The following TMEM235 variants were observed in gnomAD, a reference collection of about 807,000 sequenced individuals.
TMEM235 encodes claudin-27.
Under a neutral mutation model 22.9 loss-of-function variants are expected in TMEM235, and 23 were observed. That is an observed-to-expected ratio of 1.00 (90% CI 0.72 to 1.42). TMEM235 has a LOEUF of 1.42. Among genes scored for constraint, TMEM235 ranks in the 40% most tolerant of loss-of-function variants. TMEM235 has a pLI of 0.00. For missense variants in TMEM235, 308 were observed against 299.5 expected (o/e 1.03, Z -0.21); for synonymous variants, 137 against 140.5 (o/e 0.98, Z 0.17).
intron 2 of TMEM235, among the ~76,000 whole-genome samples, chr17:78,233,260 C>T (rs1242351346): frequency 5.3e-5 from 8 of 152,230 alleles, no homozygotes; most frequent in Non-Finnish European, 1.2e-4. Flanking sequence ...CCCAGGAGCC[C>T]GTTTTGTACA....
At position 78,238,550 on chromosome 17, in the gene TMEM235, CTG is replaced by C. The variant is rs55893266; in HGVS notation, c.410-439_410-438del. ...GCTGCTGCCAGCAGAGGCCATGGCT[CTG>C]TGTGTGTGTGTGTGTGTGTGTGTGT... On this transcript the variant is annotated intron_variant, in intron 4 of 5. Transcript: ENST00000421688. The surrounding 1 kb of genome is among the most constrained non-coding windows in gnomAD (Gnocchi z 4.3). 0.073 allele frequency among the ~76,000 whole-genome samples: 10,034 copies of C among 138,056 alleles called. 380 individuals carry two copies. Among genetic ancestry groups the C allele is most frequent in the Middle Eastern group, 0.11 (30 of 270 alleles). The allele number at this position is 138,056 out of a possible 152,430, so 90.6% of individuals were successfully genotyped here.
In TMEM235 at chr17:78,237,690, C is replaced by T. The variant is rs1001898615; in HGVS notation, c.410-1334C>T. ...CACCTCCTGCCGCACGGTCAGCCCC[C>T]GCTGCTGGGGGCTGACCCCCACCCC... is the stretch of plus-strand genomic sequence containing the variant. On this transcript the variant is annotated intron_variant, in intron 4 of 5. Transcript: ENST00000421688. This position sits in a 1 kb window ranked among gnomAD's most constrained non-coding sequence, Gnocchi z 4.7. Among the ~76,000 whole-genome samples, 6 of 151,986 alleles carry T rather than the reference C, an allele frequency of 3.9e-5. No homozygotes were observed. The highest frequency in any genetic ancestry group is 8.8e-5 in the Non-Finnish European group (6 of 67,952).
At chr17:78,234,476 G>C in intron 3 of TMEM235, 117 bp from the exon 3 acceptor site, 3 of 1,440,608 alleles carry the variant, frequency 2.1e-6, no homozygotes, top group South Asian at 2.5e-5. Context: ...TGTCCACAGA[G>C]ATGGGCGTCA....
chr17:78,239,923 G>T (rs982775488), exon 6 of TMEM235: 27 of 1,550,784 alleles, frequency 1.7e-5, no homozygotes, highest in Non-Finnish European at 2.3e-5. Context: ...AGAGGCTGAT[G>T]AGAGGGCCCG....
chr17:78,240,145 A>T (rs2081105939), exon 6 of TMEM235: 2 of 1,150,450 alleles, frequency 1.7e-6, no homozygotes, highest in Middle Eastern at 3.5e-4. Context: ...CGGGGGAGGT[A>T]TGCCACTGTG....
intron 4 of TMEM235, among the ~76,000 whole-genome samples, chr17:78,235,662 G>A (rs571163902): frequency 1.4e-5 from 2 of 147,984 alleles, no homozygotes; most frequent in Non-Finnish European, 3.0e-5. Context: ...GTGCAGTGGC[G>A]CAATCTTCGC....
exon 2 of TMEM235, chr17:78,231,433 C>T (rs997603909): frequency 5.4e-6 from 7 of 1,296,962 alleles, no homozygotes; most frequent in Admixed American, 4.7e-5. Context: ...CTTCCGCAGC[C>T]CCCCGCCCGG....
At chr17:78,235,286 C>T (rs1346419775) in intron 4 of TMEM235, among the ~76,000 whole-genome samples, 1 of 151,084 alleles carries the variant, frequency 6.6e-6, no homozygotes, top group Non-Finnish European at 1.5e-5. Context: ...GGAGGTGTTA[C>T]ACACTTTTTT....
chr17:78,232,236 C>T, intron 2 of TMEM235, 23 bp downstream of exon 1: 4 of 1,430,184 alleles, frequency 2.8e-6, no homozygotes, highest in Middle Eastern at 2.2e-4. Context: ...CGCGCCGGCC[C>T]TCCTCCCTCC....
At chr17:78,232,979 G>A (rs746636207) in intron 2 of TMEM235, among the ~76,000 whole-genome samples, 1 of 152,232 alleles carries the variant, frequency 6.6e-6, no homozygotes, top group African/African-American at 2.4e-5. Flanking sequence ...GCATGTGTGT[G>A]CATGTGAGAG....
chr17:78,232,263 G>A (rs2145912309), intron 2 of TMEM235, 50 bp downstream of exon 1: 3 of 1,403,294 alleles, frequency 2.1e-6, no homozygotes, highest in East Asian at 6.1e-5. Flanking sequence ...TCGTCCCTCC[G>A]ACACCCCCTT....
chr17:78,233,897 C>A, exon 3 of TMEM235: 1 of 1,535,982 alleles, frequency 6.5e-7, no homozygotes, highest in Non-Finnish European at 8.7e-7. Context: ...TTTCCCAGGG[C>A]AGAACGGCTG....
intron 2 of TMEM235, among the ~76,000 whole-genome samples, chr17:78,232,414 G>A (rs1324847456): frequency 6.6e-6 from 1 of 152,206 alleles, no homozygotes; most frequent in Non-Finnish European, 1.5e-5. Context: ...AGGGCTACAG[G>A]AGGGAGGGAG....
chr17:78,239,851 AG>A, exon 6 of TMEM235: 1 of 1,551,464 alleles, frequency 6.4e-7, no homozygotes, highest in Non-Finnish European at 8.7e-7. Flanking sequence ...ATGCCGTCTC[AG>A]GCCAAGGCCT....
At chr17:78,239,194 C>T in exon 5 of TMEM235, 4 of 1,543,420 alleles carry the variant, frequency 2.6e-6, no homozygotes, top group Non-Finnish European at 3.5e-6. Context: ...CAGCGGAACC[C>T]TCCTGCTCTC....
intron 4 of TMEM235, among the ~76,000 whole-genome samples, chr17:78,235,170 A>G (rs2076628897): frequency 6.6e-6 from 1 of 152,238 alleles, no homozygotes; most frequent in East Asian, 1.9e-4. Context: ...TAGAGGAAGC[A>G]TGATGCTTGG....
exon 6 of TMEM235, chr17:78,240,791 G>A (rs1197689162): frequency 6.6e-6 from 1 of 152,220 alleles, no homozygotes; most frequent in East Asian, 1.9e-4. Context: ...GACAAATCTG[G>A]GGGGTGAGCA....
At chr17:78,235,954 G>A (rs952021587) in intron 4 of TMEM235, among the ~76,000 whole-genome samples, 4 of 152,174 alleles carry the variant, frequency 2.6e-5, no homozygotes, top group African/African-American at 7.2e-5. Flanking sequence ...TCACTATCCA[G>A]AGAACAGCAC....
chr17:78,235,072 T>C (rs924685007), intron 4 of TMEM235, among the ~76,000 whole-genome samples: 5 of 152,064 alleles, frequency 3.3e-5, no homozygotes, highest in African/African-American at 1.2e-4. Flanking sequence ...CTGACCAACA[T>C]GGTAAAACCC....
Sources: gnomAD v4.1 joint callset for allele counts (sites outside exome capture counted in the v4.1 genomes callset) on GRCh38, gnomAD v4.1.1 for gene constraint, Gnocchi (gnomAD v3.1) non-coding constraint, MANE v1.5 for transcripts, NCBI Gene and HGNC (gene_info 2026-07-23, HGNC 2026-07-21) for gene names.